Variants in WDR25 observed in about 807,000 individuals in gnomAD.
The protein encoded by WDR25 is WD repeat-containing protein 25.
In WDR25, 35 loss-of-function variants were observed where a neutral mutation model predicts 47.7. The ratio of observed to expected loss-of-function variants is 0.73; its 90% CI spans 0.56 to 0.97. The LOEUF (loss-of-function observed/expected upper bound fraction) is 0.97, where lower values mean the gene tolerates loss of function less well. Among genes scored for constraint, WDR25 ranks in the 50% least tolerant of loss-of-function variants. The probability of loss-of-function intolerance (pLI) is 0.00; values close to 1 mark genes in which losing one functional copy is unlikely to be tolerated. For missense variants in WDR25, 634 were observed against 704.7 expected, an observed-to-expected ratio of 0.90 and a Z score of 1.14; for synonymous variants, 248 against 278.9, an observed-to-expected ratio of 0.89 and a Z score of 1.10.
chr14:100,501,059 G>A (rs961729565), intron 4 of WDR25, among the ~76,000 whole-genome samples: 20 of 152,134 alleles, frequency 1.3e-4, no homozygotes, highest in South Asian at 2.1e-4. Flanking sequence ...TGCACCGGGC[G>A]ACCTGGTGTA....
intron 1 of WDR25, among the ~76,000 whole-genome samples, chr14:100,378,040 C>A (rs918896898): frequency 6.6e-6 from 1 of 152,166 alleles, no homozygotes; most frequent in East Asian, 1.9e-4. Flanking sequence ...CCTAGGAGTG[C>A]CTAGCACCCT....
intron 2 of WDR25, among the ~76,000 whole-genome samples, chr14:100,446,711 TGTGA>T (rs1211883252): frequency 2.6e-5 from 4 of 152,112 alleles, no homozygotes; most frequent in Non-Finnish European, 5.9e-5. Flanking sequence ...TCTGAAAGCT[TGTGA>T]GTAAGAATGA....
chr14:100,380,019 G>A (rs184062905), intron 1 of WDR25, among the ~76,000 whole-genome samples: 297 of 150,154 alleles, frequency 2.0e-3, no homozygotes, highest in Middle Eastern at 3.6e-3. Flanking sequence ...GGGATTACAG[G>A]CATGAACCAC....
chr14:100,523,089 G>C lies in WDR25; in HGVS notation c.1102-2781G>C, dbSNP rs529590030. On this transcript the variant is annotated intron_variant, in intron 4 of 6. Coordinates refer to ENST00000402312, the MANE Select transcript of WDR25 (RefSeq NM_001161476.3). This position sits in a 1 kb window ranked among gnomAD's most constrained non-coding sequence, Gnocchi z 4.7. Reference sequence around the variant, plus strand: ...TGTGTTGCCTCAGCCCTGCATGCCAGGATGTTGCTGGGAGCCGGAGGACCC... The same window carrying C: ...TGTGTTGCCTCAGCCCTGCATGCCACGATGTTGCTGGGAGCCGGAGGACCC... 5.9e-5 allele frequency among the ~76,000 whole-genome samples: 9 copies of C among 152,378 alleles called. No homozygotes were observed. The South Asian group carries it at 1.9e-3, about 32-fold the overall frequency.
intron 2 of WDR25, among the ~76,000 whole-genome samples, chr14:100,456,989 A>G (rs1197062154): frequency 6.6e-6 from 1 of 151,956 alleles, no homozygotes; most frequent in Non-Finnish European, 1.5e-5. Flanking sequence ...ACGGAGTCGC[A>G]CTCTGTCTCC....
intron 2 of WDR25, among the ~76,000 whole-genome samples, chr14:100,420,655 T>C (rs1898000396): frequency 6.6e-6 from 1 of 152,200 alleles, no homozygotes; most frequent in Non-Finnish European, 1.5e-5. Flanking sequence ...AGTAATAATA[T>C]TTGAAGAACA....
chr14:100,461,295 G>A (rs1278631615), intron 2 of WDR25, among the ~76,000 whole-genome samples: 1 of 152,266 alleles, frequency 6.6e-6, no homozygotes, highest in East Asian at 1.9e-4. Context: ...GTTTAGTAAG[G>A]TTGCAGAATC....
intron 2 of WDR25, among the ~76,000 whole-genome samples, chr14:100,422,365 AG>A (rs1898050270): frequency 6.6e-6 from 1 of 152,132 alleles, no homozygotes; most frequent in South Asian, 2.1e-4. Context: ...TACTGAAACC[AG>A]ATTGCTCTGT....
intron 4 of WDR25, among the ~76,000 whole-genome samples, chr14:100,494,427 G>A (rs1900664816): frequency 6.6e-6 from 1 of 152,194 alleles, no homozygotes; most frequent in Non-Finnish European, 1.5e-5. Flanking sequence ...CCATATTTGA[G>A]TCTAGTTCTG....
At chr14:100,511,953 C>T (rs544156191) in intron 4 of WDR25, among the ~76,000 whole-genome samples, 1 of 152,214 alleles carries the variant, frequency 6.6e-6, no homozygotes, top group East Asian at 1.9e-4. Flanking sequence ...GGATAAACTT[C>T]ACTTGATCAT....
In WDR25 at chr14:100,529,985, C is replaced by G; in HGVS notation, c.1579C>G (p.Leu527Val). The part of the protein sequence containing the change: ...ACVGTTYHPV[L>V]PSVLATCSWG... ...TGTCGGCACCACCTATCACCCCGTG[C>G]TGCCCTCCGTCCTCGCCACCTGCTC... Residue 527 changes from leucine (L) to valine (V), a missense_variant, in exon 7 of 7, where the codon CTG becomes GTG. Transcript: ENST00000402312. The surrounding 1 kb of genome is among the most constrained non-coding windows in gnomAD (Gnocchi z 5.1). The G allele has an allele frequency of 3.1e-6, 5 of 1,613,432 alleles. No individual in the cohort carries two copies. The highest frequency in any genetic ancestry group is 3.4e-6 in the Non-Finnish European group (4 of 1,179,970).
In WDR25 at chr14:100,523,734, T is replaced by C. The variant is rs1323468580; in HGVS notation, c.1102-2136T>C. On this transcript the variant is annotated intron_variant, in intron 4 of 6. Transcript: ENST00000402312. The surrounding 1 kb of genome is among the most constrained non-coding windows in gnomAD (Gnocchi z 4.7). ...AGATTGTAGGGACATAACCCCTGCA[T>C]GTGTCATGATCGATCTTCTGCTTTC... is the stretch of plus-strand genomic sequence containing the variant. Among the ~76,000 whole-genome samples the C allele has an allele frequency of 1.3e-5, 2 of 152,080 alleles. No homozygotes were observed. Among genetic ancestry groups the C allele is most frequent in the East Asian group, 1.9e-4 (1 of 5,168 alleles).
rs1897464393 is a variant in WDR25 at position 100,404,168 on chromosome 14, CT to C, written c.822+22423del. On this transcript the variant is annotated intron_variant, in intron 2 of 6. Coordinates refer to ENST00000402312, the MANE Select transcript of WDR25 (RefSeq NM_001161476.3). The surrounding 1 kb of genome is among the most constrained non-coding windows in gnomAD (Gnocchi z 4.6). ...CCCCATACGCACATGATTGGTCCCC[CT>C]GAAACCTCTGAGGTGCCGATGGCAT... Among the ~76,000 whole-genome samples, 4 of 152,204 alleles carry C rather than the reference CT, an allele frequency of 2.6e-5. No homozygotes were observed.
chr14:100,403,526 T>C (rs971567030), intron 2 of WDR25, among the ~76,000 whole-genome samples: 7 of 152,216 alleles, frequency 4.6e-5, no homozygotes, highest in African/African-American at 1.7e-4. Flanking sequence ...TGTAAAGTGG[T>C]GCTGGCATGC....
At chr14:100,472,748 C>T (rs770156460) in intron 3 of WDR25, among the ~76,000 whole-genome samples, 10 of 152,246 alleles carry the variant, frequency 6.6e-5, no homozygotes, top group Non-Finnish European at 1.3e-4. Flanking sequence ...GCATCTCCTC[C>T]ACATTCCCCT....
At chr14:100,376,775 A>G (rs1046951964) in intron 1 of WDR25, 1 of 1,221,710 alleles carries the variant, frequency 8.2e-7, no homozygotes, top group African/African-American at 1.6e-5. Flanking sequence ...TTTGATTTCC[A>G]CCCACACCAG....
intron 2 of WDR25, among the ~76,000 whole-genome samples, chr14:100,412,076 G>A (rs1897724914): frequency 6.6e-6 from 1 of 152,040 alleles, no homozygotes; most frequent in African/African-American, 2.4e-5. Flanking sequence ...GTGTGGTTGT[G>A]GGCTCCTGTA....
At chr14:100,432,443 C>A (rs1272543495) in intron 2 of WDR25, among the ~76,000 whole-genome samples, 1 of 152,160 alleles carries the variant, frequency 6.6e-6, no homozygotes, top group African/African-American at 2.4e-5. Context: ...AGTTCACTAG[C>A]CTACAAAAAA....
At chr14:100,528,974 C>G in intron 5 of WDR25, 94 bp from the exon 6 acceptor site, 9 of 1,432,454 alleles carry the variant, frequency 6.3e-6, no homozygotes, top group Non-Finnish European at 8.3e-6. Context: ...ATGGAGACAC[C>G]CAGCTAGGGT....
Sources: gnomAD v4.1 joint callset for allele counts (sites outside exome capture counted in the v4.1 genomes callset) on GRCh38, gnomAD v4.1.1 for gene constraint, Gnocchi (gnomAD v3.1) non-coding constraint, MANE v1.5 for transcripts, NCBI Gene and HGNC (gene_info 2026-07-23, HGNC 2026-07-21) for gene names.